The following CDYL2 variants were observed in gnomAD, a reference collection of about 807,000 sequenced individuals.
The protein encoded by CDYL2 is chromodomain Y like 2.
In CDYL2, 23 loss-of-function variants were observed where a neutral mutation model predicts 49.4. The observed-to-expected ratio is 0.47, with a 90% CI of 0.34 to 0.66. The LOEUF is 0.66. CDYL2 is among the 30% of genes least tolerant of loss of function. CDYL2 has a pLI of 0.01. For synonymous variants in CDYL2, 360 were observed against 268.8 expected, an observed-to-expected ratio of 1.34 and a Z score of -3.32; for missense variants, 678 against 656.4, an observed-to-expected ratio of 1.03 and a Z score of -0.36.
chr16:80,783,107 T>A (rs1451115486), intron 1 of CDYL2, among the ~76,000 whole-genome samples: 1 of 152,096 alleles, frequency 6.6e-6, no homozygotes, highest in Non-Finnish European at 1.5e-5. Context: ...AGTGAAAAGA[T>A]AACCAACAGG....
At chr16:80,613,251 A>G (rs1434117064) in intron 4 of CDYL2, among the ~76,000 whole-genome samples, 1 of 152,122 alleles carries the variant, frequency 6.6e-6, no homozygotes, top group Admixed American at 6.5e-5. Context: ...GCATATTTCA[A>G]CTCAAAGAGA....
chr16:80,634,163 C>T (rs182486720), intron 2 of CDYL2, among the ~76,000 whole-genome samples: 1 of 151,796 alleles, frequency 6.6e-6, no homozygotes. Flanking sequence ...CACTATTGAT[C>T]TTATAAATCA....
intron 4 of CDYL2, among the ~76,000 whole-genome samples, chr16:80,613,944 G>A (rs768033912): frequency 2.6e-5 from 4 of 152,174 alleles, no homozygotes; most frequent in Admixed American, 2.6e-4. Context: ...CCTGCTCACT[G>A]TGCATGAGCC....
At position 80,602,156 on chromosome 16, in the gene CDYL2, G is replaced by A. The variant is rs1219517850; in HGVS notation, c.*2232C>T. On this transcript the variant is annotated 3_prime_UTR_variant, in exon 7 of 7. Transcript: ENST00000570137. ...ATGTAAGAACCAGGGTCATCTAAGG[G>A]TTTTGGAAAGCTCACATTTGCTTTC... 1 of 152,184 alleles carries A rather than the reference G, an allele frequency of 6.6e-6. No individual in the cohort carries two copies. Among genetic ancestry groups the A allele is most frequent in the Non-Finnish European group, 1.5e-5 (1 of 68,034 alleles). 9.4% of individuals were successfully genotyped at this position (152,184 alleles called of 1,614,324 possible). A position where few individuals can be genotyped will look rare whatever the true frequency, so the allele number is the denominator to read the frequency against.
intron 1 of CDYL2, among the ~76,000 whole-genome samples, chr16:80,718,947 C>T (rs1904904687): frequency 6.6e-6 from 1 of 152,158 alleles, no homozygotes; most frequent in South Asian, 2.1e-4. Flanking sequence ...ACCAGGAAAC[C>T]AGATAGAATT....
chr16:80,767,152 C>G (rs1249183333), intron 1 of CDYL2, among the ~76,000 whole-genome samples: 1 of 152,128 alleles, frequency 6.6e-6, no homozygotes, highest in Non-Finnish European at 1.5e-5. Flanking sequence ...AATAGAAGAA[C>G]ATCAGCCCTC....
chr16:80,799,829 T>C (rs1304768191), intron 1 of CDYL2, among the ~76,000 whole-genome samples: 1 of 152,238 alleles, frequency 6.6e-6, no homozygotes, highest in Admixed American at 6.5e-5. Flanking sequence ...TCAGGTGTCT[T>C]CTACGTGCCC....
chr16:80,796,873 C>T (rs1907782744), intron 1 of CDYL2, among the ~76,000 whole-genome samples: 1 of 152,200 alleles, frequency 6.6e-6, no homozygotes, highest in African/African-American at 2.4e-5. Context: ...CCCACCAACA[C>T]ACTCTATGGA....
chr16:80,665,164 C>A (rs193024037), intron 2 of CDYL2, among the ~76,000 whole-genome samples: 5 of 152,120 alleles, frequency 3.3e-5, no homozygotes. Flanking sequence ...TTCTACAAAT[C>A]TTCTTAATTA....
chr16:80,717,477 G>A (rs547721739), intron 1 of CDYL2, among the ~76,000 whole-genome samples: 1 of 152,352 alleles, frequency 6.6e-6, no homozygotes, highest in East Asian at 1.9e-4. Context: ...GATGGAGACA[G>A]AGGTAACCTG....
intron 1 of CDYL2, among the ~76,000 whole-genome samples, chr16:80,729,236 A>C (rs1180382669): frequency 3.3e-5 from 5 of 152,176 alleles, no homozygotes; most frequent in Non-Finnish European, 5.9e-5. Context: ...CATAGGCTCA[A>C]AATAAAAGGA....
chr16:80,667,896 T>C (rs551339950), intron 2 of CDYL2, among the ~76,000 whole-genome samples: 11 of 152,370 alleles, frequency 7.2e-5, no homozygotes, highest in African/African-American at 2.6e-4. Context: ...GGGTCATTTG[T>C]TCCAGGCAAC....
chr16:80,764,905 A>G (rs927022065), intron 1 of CDYL2, among the ~76,000 whole-genome samples: 4 of 151,372 alleles, frequency 2.6e-5, no homozygotes, highest in Admixed American at 2.6e-4. Context: ...CTAAAAATAC[A>G]AAAAATTAGC....
At chr16:80,758,701 C>G (rs899382470) in intron 1 of CDYL2, among the ~76,000 whole-genome samples, 1 of 151,936 alleles carries the variant, frequency 6.6e-6, no homozygotes, top group Non-Finnish European at 1.5e-5. Context: ...CGCCACCACA[C>G]CCAGCTAATT....
chr16:80,777,336 G>C (rs777049243), intron 1 of CDYL2, among the ~76,000 whole-genome samples: 2 of 151,126 alleles, frequency 1.3e-5, no homozygotes, highest in Non-Finnish European at 2.9e-5. Context: ...ATTAAAAGTA[G>C]AAAAAAAGTA....
intron 1 of CDYL2, among the ~76,000 whole-genome samples, chr16:80,773,996 T>C (rs1906995935): frequency 6.6e-6 from 1 of 152,144 alleles, no homozygotes; most frequent in African/African-American, 2.4e-5. Context: ...TTTATGTATA[T>C]GGGAGCTCTG....
chr16:80,725,479 A>G (rs1029083373), intron 1 of CDYL2, among the ~76,000 whole-genome samples: 1 of 152,186 alleles, frequency 6.6e-6, no homozygotes, highest in Non-Finnish European at 1.5e-5. Flanking sequence ...CTGTGTCCCC[A>G]GCATAGCTCC....
chr16:80,656,659 C>A (rs955774484), intron 2 of CDYL2, among the ~76,000 whole-genome samples: 4 of 152,294 alleles, frequency 2.6e-5, no homozygotes, highest in African/African-American at 9.6e-5. Flanking sequence ...CATAAACTCA[C>A]GTGCTGACAC....
intron 1 of CDYL2, among the ~76,000 whole-genome samples, chr16:80,731,729 A>T (rs764123331): frequency 1.2e-4 from 18 of 152,220 alleles, no homozygotes; most frequent in Non-Finnish European, 2.6e-4. Context: ...TTCTATACTT[A>T]GCCAAATCAT....
Sources: gnomAD v4.1 joint callset for allele counts (sites outside exome capture counted in the v4.1 genomes callset) on GRCh38, gnomAD v4.1.1 for gene constraint, MANE v1.5 for transcripts, NCBI Gene and HGNC (gene_info 2026-07-23, HGNC 2026-07-21) for gene names.